The following SLF2 variants were observed in gnomAD, a reference collection of about 807,000 sequenced individuals.
The protein encoded by SLF2 is SMC5-SMC6 complex localization factor protein 2.
In SLF2, 68 loss-of-function variants were observed where a neutral mutation model predicts 124.3. The observed-to-expected ratio is 0.55, with a 90% CI of 0.45 to 0.67. SLF2 has a LOEUF of 0.67. SLF2 is among the 30% of genes least tolerant of loss of function. The pLI is 0.00. For missense variants in SLF2, 1,246 were observed against 1,373.7 expected, an observed-to-expected ratio of 0.91 and a Z score of 1.47; for synonymous variants, 480 against 478.8, an observed-to-expected ratio of 1.00 and a Z score of -0.03.
At chr10:100,931,308 A>G (rs542271985) in intron 9 of SLF2, among the ~76,000 whole-genome samples, 51 of 152,344 alleles carry the variant, frequency 3.3e-4, no homozygotes, top group Non-Finnish European at 6.8e-4. Context: ...TGAACCCTTC[A>G]CCACAGTGAT....
intron 11 of SLF2, among the ~76,000 whole-genome samples, chr10:100,939,117 C>T (rs1326770430): frequency 6.6e-6 from 1 of 152,154 alleles, no homozygotes; most frequent in East Asian, 1.9e-4. Context: ...GCCTAAGACT[C>T]AGGTGAAAAA....
At chr10:100,920,117 T>C (rs1157982971) in intron 4 of SLF2, among the ~76,000 whole-genome samples, 1 of 152,246 alleles carries the variant, frequency 6.6e-6, no homozygotes, top group Non-Finnish European at 1.5e-5. Flanking sequence ...ATTTTGACAT[T>C]ATTGTAGAAG....
rs1038607378 is a variant in SLF2, at chr10:100,944,138, A to G, written c.2757+10A>G. Reference sequence around the variant, plus strand: ...TTTAAATGTGGTTAAGGTAGGAAAGAACTTTTATGTGTCTTCTGCTCAGAG... The same window carrying G: ...TTTAAATGTGGTTAAGGTAGGAAAGGACTTTTATGTGTCTTCTGCTCAGAG... On this transcript the variant is annotated intron_variant, in intron 12 of 19. Coordinates refer to ENST00000238961, the MANE Select transcript of SLF2 (RefSeq NM_018121.4). 41 of 1,527,812 alleles carry G rather than the reference A, an allele frequency of 2.7e-5. No individual in the cohort carries two copies. Among genetic ancestry groups the G allele is most frequent in the Non-Finnish European group, 3.7e-5 (41 of 1,104,882 alleles). 94.6% of individuals were successfully genotyped at this position (1,527,812 alleles called of 1,614,324 possible).
At position 100,937,220 on chromosome 10, in the gene SLF2, AG is replaced by A. The variant is rs1464972244; in HGVS notation, c.2437-180del. On this transcript the variant is annotated intron_variant, in intron 9 of 19. Transcript: ENST00000238961. ...GAGATTGGGTTTTGCCGTCTTGCAC[AG>A]GCTGGTCTCAAACTCCTAAGCTCAA... Among the ~76,000 whole-genome samples the A allele has an allele frequency of 2.0e-5, 3 of 152,276 alleles. No homozygotes were observed. The East Asian group carries it at 5.8e-4, about 29-fold the overall frequency.
chr10:100,933,424 T>C (rs1402281467), intron 9 of SLF2, among the ~76,000 whole-genome samples: 3 of 152,238 alleles, frequency 2.0e-5, no homozygotes, highest in Admixed American at 1.3e-4. Context: ...TGGGAGGCTT[T>C]ACCAACTTGT....
At position 100,950,754 on chromosome 10, in the gene SLF2, G is replaced by A; in HGVS notation, c.3330+1G>A. The A allele has an allele frequency of 6.2e-7, 1 of 1,612,760 alleles. No individual in the cohort carries two copies. The highest frequency in any genetic ancestry group is 8.5e-7 in the Non-Finnish European group (1 of 1,178,848). The stretch of plus-strand genomic sequence containing the variant: ...TCATTCTTTTTCTTCTGGACAACGG[G>A]TAGGTAGTGTTTAGTGTTGTTGCTG... On this transcript the variant is annotated splice_donor_variant, in intron 17 of 19. Coordinates refer to ENST00000238961, the MANE Select transcript of SLF2 (RefSeq NM_018121.4). LOFTEE classifies it high-confidence loss of function.
chr10:100,953,160 C>T (rs919725825), intron 17 of SLF2, among the ~76,000 whole-genome samples: 44 of 151,082 alleles, frequency 2.9e-4, no homozygotes, highest in Non-Finnish European at 5.6e-4. Context: ...GGATCACAGG[C>T]GCCTGCCACC....
At chr10:100,913,821 A>G (rs1032414141) in intron 1 of SLF2, 8 of 985,486 alleles carry the variant, frequency 8.1e-6, no homozygotes, top group Non-Finnish European at 9.6e-6. Flanking sequence ...TGTGGGAGCT[A>G]TGTAATGAGA....
intron 4 of SLF2, among the ~76,000 whole-genome samples, chr10:100,920,390 A>G (rs1849501881): frequency 1.3e-5 from 2 of 152,160 alleles, no homozygotes. Context: ...AATCCCACCT[A>G]GCAAAGTTTT....
intron 12 of SLF2, among the ~76,000 whole-genome samples, chr10:100,944,401 A>C (rs1173183236): frequency 1.3e-5 from 2 of 149,014 alleles, no homozygotes; most frequent in African/African-American, 4.9e-5. Flanking sequence ...AGGCTGAGGC[A>C]GGAGAATGGC....
chr10:100,926,433 A>G (rs1459208496), intron 6 of SLF2: 6 of 645,472 alleles, frequency 9.3e-6, no homozygotes, highest in East Asian at 3.1e-5. Flanking sequence ...GTGAAACCCC[A>G]TCTCTACAAA....
chr10:100,922,623 T>G (rs567558931), intron 4 of SLF2, among the ~76,000 whole-genome samples: 9 of 150,898 alleles, frequency 6.0e-5, no homozygotes, highest in South Asian at 4.2e-4. Flanking sequence ...ATTTTTTGTG[T>G]TTTTTTTTGT....
At position 100,962,322 on chromosome 10, in the gene SLF2, G is replaced by C. The variant is rs1850439315; in HGVS notation, c.*410G>C. The C allele has an allele frequency of 6.5e-6, 1 of 153,616 alleles. No homozygotes were observed. The highest frequency in any genetic ancestry group is 2.4e-5 in the African/African-American group (1 of 41,508). 9.5% of individuals were successfully genotyped at this position (153,616 alleles called of 1,614,324 possible). A position where few individuals can be genotyped will look rare whatever the true frequency, so the allele number is the denominator to read the frequency against. On this transcript the variant is annotated 3_prime_UTR_variant, in exon 20 of 20. Transcript: ENST00000238961. ...TGGACTAACTTGAGAAGTTGGACAT[G>C]GAAAGCAAGACCAAGTTCCAGTTGG... is the stretch of plus-strand genomic sequence containing the variant.
intron 14 of SLF2, 85 bp from the exon 15 acceptor site, chr10:100,947,675 C>A: frequency 2.3e-6 from 2 of 876,380 alleles, no homozygotes; most frequent in South Asian, 1.6e-5. Flanking sequence ...CCAATTAGAA[C>A]TAGAGCTCCT....
At chr10:100,913,329 C>T in intron 1 of SLF2, 79 bp downstream of exon 1, 2 of 1,384,640 alleles carry the variant, frequency 1.4e-6, no homozygotes, top group South Asian at 1.6e-5. Flanking sequence ...CGCCGCTCTT[C>T]CAGTTCCCGC....
chr10:100,947,212 C>A, intron 14 of SLF2, 76 bp downstream of exon 14: 1 of 831,142 alleles, frequency 1.2e-6, no homozygotes. Flanking sequence ...TTGTTTATTT[C>A]CATTCATCAT....
chr10:100,947,800 C>G lies in SLF2; in HGVS notation c.3073C>G (p.Leu1025Val). ...CCTCAGTCTAGTGATTATTTCAAAGCTTTTGGATGAGAAACACGAAGATGT... is the reference window on the plus strand; with the variant it reads ...CCTCAGTCTAGTGATTATTTCAAAGGTTTTGGATGAGAAACACGAAGATGT... Reference protein sequence around the residue: ...QCLSLVIISKLLDEKHEDVPN... With the variant: ...QCLSLVIISKVLDEKHEDVPN... Residue 1025 changes from leucine (L) to valine (V), a missense_variant, in exon 15 of 20, where the codon CTT becomes GTT. Around this residue, in one of 3 missense-constraint regions of SLF2, gnomAD observed 535 missense variants for 632.8 expected, o/e 0.85. Transcript: ENST00000238961. 1 of 1,612,152 alleles carries G rather than the reference C, an allele frequency of 6.2e-7. No homozygotes were observed. The highest frequency in any genetic ancestry group is 8.5e-7 in the Non-Finnish European group (1 of 1,179,156).
At chr10:100,955,723 C>T (rs545724027) in intron 17 of SLF2, among the ~76,000 whole-genome samples, 2 of 152,142 alleles carry the variant, frequency 1.3e-5, no homozygotes, top group Admixed American at 6.5e-5. Context: ...GCCTGGCCAA[C>T]GTGGCAAAAC....
At chr10:100,941,308 AC>A (rs1265742355) in intron 11 of SLF2, among the ~76,000 whole-genome samples, 1 of 152,216 alleles carries the variant, frequency 6.6e-6, no homozygotes, top group Non-Finnish European at 1.5e-5. Context: ...ATTAAGGGAT[AC>A]TAGTACAATT....
Sources: gnomAD v4.1 joint callset for allele counts (sites outside exome capture counted in the v4.1 genomes callset) on GRCh38, gnomAD v4.1.1 for gene constraint, gnomAD v4.1.1 regional missense constraint, MANE v1.5 for transcripts, NCBI Gene and HGNC (gene_info 2026-07-23, HGNC 2026-07-21) for gene names.